The following AP3S1 variants were observed in gnomAD, a reference collection of about 807,000 sequenced individuals.
The protein encoded by AP3S1 is adaptor related protein complex 3 subunit sigma 1.
In AP3S1, 12 loss-of-function variants were observed where a neutral mutation model predicts 21.3. The ratio of observed to expected loss-of-function variants is 0.56; its 90% CI spans 0.36 to 0.91. The LOEUF is 0.91. Among genes scored for constraint, AP3S1 ranks in the 40% least tolerant of loss-of-function variants. AP3S1 has a pLI of 0.01. For missense variants in AP3S1, 116 were observed against 225.0 expected, an observed-to-expected ratio of 0.52 and a Z score of 3.10; for synonymous variants, 48 against 78.4, an observed-to-expected ratio of 0.61 and a Z score of 2.05.
At chr5:115,856,848 A>G (rs538645764) in intron 1 of AP3S1, among the ~76,000 whole-genome samples, 1 of 152,314 alleles carries the variant, frequency 6.6e-6, no homozygotes, top group East Asian at 1.9e-4. Context: ...TGGAAGTTTT[A>G]AAATATATAT....
intron 4 of AP3S1, among the ~76,000 whole-genome samples, chr5:115,897,537 G>A (rs1036069571): frequency 6.6e-6 from 1 of 151,788 alleles, no homozygotes. Flanking sequence ...CCAGCAGTAG[G>A]GATCTTCTGA....
At chr5:115,884,580 A>T (rs973063519) in intron 3 of AP3S1, among the ~76,000 whole-genome samples, 55 of 152,236 alleles carry the variant, frequency 3.6e-4, no homozygotes, top group African/African-American at 1.2e-3. Flanking sequence ...GTCTCCAACA[A>T]CAACAACAAG....
intron 4 of AP3S1, chr5:115,898,796 T>C (rs929389068): frequency 2.6e-5 from 4 of 152,372 alleles, no homozygotes; most frequent in African/African-American, 9.6e-5. Context: ...TAAGGTATGC[T>C]GTGGTTATTA....
chr5:115,855,019 A>ATATCTATC (rs34447523), intron 1 of AP3S1, among the ~76,000 whole-genome samples: 12,234 of 147,454 alleles, frequency 0.083, 554 homozygotes, highest in Non-Finnish European at 0.1. Context: ...TATATATTTT[A>ATATCTATC]TATCTATCTA....
At chr5:115,894,947 T>G in intron 3 of AP3S1, 140 bp from the exon 4 acceptor site, 1 of 550,770 alleles carries the variant, frequency 1.8e-6, no homozygotes, top group Non-Finnish European at 3.2e-6. Flanking sequence ...TTACTTTTTT[T>G]GCATTAATAC....
At chr5:115,846,133 T>C (rs1239458565) in intron 1 of AP3S1, among the ~76,000 whole-genome samples, 1 of 152,172 alleles carries the variant, frequency 6.6e-6, no homozygotes, top group East Asian at 1.9e-4. Flanking sequence ...ATCCCTTCGG[T>C]TGTGATTCCA....
intron 1 of AP3S1, among the ~76,000 whole-genome samples, chr5:115,847,764 C>T (rs939204328): frequency 6.6e-6 from 1 of 152,114 alleles, no homozygotes; most frequent in African/African-American, 2.4e-5. Context: ...CACCACTATT[C>T]CCTCTTTATT....
intron 1 of AP3S1, among the ~76,000 whole-genome samples, chr5:115,847,784 T>A (rs1762167772): frequency 6.6e-6 from 1 of 152,220 alleles, no homozygotes; most frequent in Non-Finnish European, 1.5e-5. Context: ...TAGCTTTTAA[T>A]ATATATTAGT....
intron 1 of AP3S1, among the ~76,000 whole-genome samples, chr5:115,853,888 A>T (rs551585758): frequency 1.3e-5 from 2 of 152,192 alleles, no homozygotes; most frequent in Non-Finnish European, 2.9e-5. Context: ...AGTGTTTGCC[A>T]TTGAAATTGG....
intron 1 of AP3S1, among the ~76,000 whole-genome samples, chr5:115,866,053 C>T (rs1016346215): frequency 6.6e-6 from 1 of 152,216 alleles, no homozygotes; most frequent in Non-Finnish European, 1.5e-5. Flanking sequence ...ATCTCGGCCT[C>T]TCAGAGTGCT....
At chr5:115,842,240 C>A in intron 1 of AP3S1, 134 bp downstream of exon 1, 1 of 1,330,058 alleles carries the variant, frequency 7.5e-7, no homozygotes, top group Non-Finnish European at 9.9e-7. Flanking sequence ...TGGCGCTCGC[C>A]AGCTGTCAGC....
chr5:115,856,735 A>G (rs1762829965), intron 1 of AP3S1, among the ~76,000 whole-genome samples: 1 of 152,172 alleles, frequency 6.6e-6, no homozygotes, highest in Admixed American at 6.5e-5. Context: ...CGGCCTCCCA[A>G]AGTGCTGGGA....
chr5:115,854,996 G>A (rs967436192), intron 1 of AP3S1, among the ~76,000 whole-genome samples: 6 of 151,316 alleles, frequency 4.0e-5, no homozygotes, highest in African/African-American at 1.5e-4. Context: ...TTATATATGT[G>A]TGTGTGTGTA....
intron 3 of AP3S1, among the ~76,000 whole-genome samples, chr5:115,870,846 T>G (rs550682478): frequency 4.6e-5 from 7 of 152,344 alleles, no homozygotes; most frequent in African/African-American, 1.4e-4. Flanking sequence ...CCTGCCATAA[T>G]TTCATGGATG....
chr5:115,843,281 C>G (rs1761784652), intron 1 of AP3S1, among the ~76,000 whole-genome samples: 1 of 152,220 alleles, frequency 6.6e-6, no homozygotes, highest in Admixed American at 6.5e-5. Context: ...AGATGGAAAT[C>G]AATCTTGCCA....
intron 1 of AP3S1, among the ~76,000 whole-genome samples, chr5:115,859,903 G>T (rs1370799193): frequency 1.3e-5 from 2 of 152,134 alleles, no homozygotes; most frequent in Non-Finnish European, 2.9e-5. Context: ...TTTTCAGTGT[G>T]GTCCCTGAAT....
At chr5:115,900,934 A>G (rs1751155236) in intron 4 of AP3S1, among the ~76,000 whole-genome samples, 1 of 152,194 alleles carries the variant, frequency 6.6e-6, no homozygotes, top group Non-Finnish European at 1.5e-5. Context: ...CCATATTTGC[A>G]GCTTGCTTCT....
At chr5:115,905,732 C>T (rs1751593444) in intron 5 of AP3S1, among the ~76,000 whole-genome samples, 1 of 152,270 alleles carries the variant, frequency 6.6e-6, no homozygotes, top group African/African-American at 2.4e-5. Context: ...GTCCATGTTA[C>T]TTCAATTGGT....
intron 1 of AP3S1, among the ~76,000 whole-genome samples, chr5:115,856,415 G>A (rs1239043921): frequency 6.7e-6 from 1 of 149,010 alleles, no homozygotes; most frequent in Non-Finnish European, 1.5e-5. Context: ...AATCAAGCTA[G>A]TTAATACATC....
Sources: allele counts gnomAD v4.1 joint callset (sites outside exome capture counted in the v4.1 genomes callset), GRCh38; gene constraint gnomAD v4.1.1; transcripts MANE v1.5; gene names NCBI Gene and HGNC (gene_info 2026-07-23, HGNC 2026-07-21).